The following SLC12A7 variants were observed in gnomAD, a reference collection of about 807,000 sequenced individuals.
SLC12A7 encodes K-Cl cotransporter 4.
Under a neutral mutation model 120.6 loss-of-function variants are expected in SLC12A7, and 100 were observed. That is an observed-to-expected ratio of 0.83 (90% CI 0.71 to 0.98). SLC12A7 has a LOEUF of 0.98. Among genes scored for constraint, SLC12A7 ranks in the 50% least tolerant of loss-of-function variants. The pLI, the probability that SLC12A7 is intolerant of heterozygous loss-of-function variation, is 0.00. For missense variants in SLC12A7, 1,373 were observed against 1,548.1 expected (o/e 0.89, Z 1.90); for synonymous variants, 760 against 678.0 (o/e 1.12, Z -1.88).
the SLC12A7 span, among the ~76,000 whole-genome samples, chr5:1,140,826 C>T: frequency 4.3e-3 from 650 of 152,314 alleles, 1 homozygote; most frequent in Non-Finnish European, 6.4e-3. Flanking sequence ...GTCACTGCAC[C>T]GGCATGACAG....
At position 1,082,067 on chromosome 5, in the gene SLC12A7, CCATCT is replaced by C. The variant is rs1739201728; in HGVS notation, c.1130-328_1130-324del. On this transcript the variant is annotated intron_variant, in intron 8 of 23. Coordinates refer to ENST00000264930, the MANE Select transcript of SLC12A7 (RefSeq NM_006598.3). The stretch of plus-strand genomic sequence containing the variant: ...TCGGGTTCTGGAAAGCCTGGGCTTC[CCATCT>C]TGGGTTCTGGAAAGCCTGGGCTTCC... 4.6e-5 allele frequency among the ~76,000 whole-genome samples: 3 copies of C among 65,028 alleles called. No homozygotes were observed. In the South Asian group the frequency reaches 1.6e-3, roughly 34 times the overall value. 42.7% of individuals were successfully genotyped at this position (65,028 alleles called of 152,430 possible). A position where few individuals can be genotyped will look rare whatever the true frequency, so the allele number is the denominator to read the frequency against.
At chr5:1,075,097 G>A (rs1484179443) in intron 15 of SLC12A7, among the ~76,000 whole-genome samples, 2 of 152,226 alleles carry the variant, frequency 1.3e-5, no homozygotes, top group African/African-American at 4.8e-5. Flanking sequence ...GGAATAGTCA[G>A]CCGTGGGCTC....
chr5:1,111,769 T>C (rs931290679), intron 1 of SLC12A7, 99 bp downstream of exon 1: 44 of 1,129,168 alleles, frequency 3.9e-5, no homozygotes, highest in Non-Finnish European at 4.2e-5. Context: ...GCGCCTCCTG[T>C]ACCCCCGGCC....
At chr5:1,092,103 C>T (rs1443500773) in intron 3 of SLC12A7, among the ~76,000 whole-genome samples, 3 of 152,264 alleles carry the variant, frequency 2.0e-5, no homozygotes, top group African/African-American at 4.8e-5. Flanking sequence ...CCCTCGTCTC[C>T]GGTTACTTCA....
At chr5:1,102,022 C>A (rs1420535904) in intron 1 of SLC12A7, among the ~76,000 whole-genome samples, 1 of 152,248 alleles carries the variant, frequency 6.6e-6, no homozygotes, top group African/African-American at 2.4e-5. Context: ...GTTTTCCAGA[C>A]ACCTTATCAA....
At chr5:1,154,162 C>G in the SLC12A7 span, among the ~76,000 whole-genome samples, 3 of 150,846 alleles carry the variant, frequency 2.0e-5, no homozygotes, top group Admixed American at 2.0e-4. Flanking sequence ...CACCTCATCT[C>G]CACAGGCTTG....
the SLC12A7 span, among the ~76,000 whole-genome samples, chr5:1,130,979 G>T: frequency 6.6e-6 from 1 of 152,134 alleles, no homozygotes; most frequent in Admixed American, 6.5e-5. Context: ...GGCTGCTGGG[G>T]GCCCACCTAG....
At chr5:1,052,537 CTGGTTAGCT>C (rs1211559014) in intron 23 of SLC12A7, 86 bp from the exon 24 acceptor site, 2 of 1,139,716 alleles carry the variant, frequency 1.8e-6, no homozygotes, top group Non-Finnish European at 2.6e-6. Context: ...TTATCCTCTC[CTGGTTAGCT>C]AAGATTTGGT....
In SLC12A7 at chr5:1,087,059, G is replaced by A. The variant is rs548453464; in HGVS notation, c.545-26C>T. The A allele has an allele frequency of 3.3e-5, 53 of 1,600,332 alleles. No homozygotes were observed. In the East Asian group the frequency reaches 7.4e-4, roughly 22 times the overall value. On this transcript the variant is annotated intron_variant, in intron 5 of 23. Coordinates refer to ENST00000264930, the MANE Select transcript of SLC12A7 (RefSeq NM_006598.3). ...CTGCGGAGACAAAGGCGGCAGCCGC[G>A]GGTCAGGGGCGCACTTGGACTCGGA...
In SLC12A7 at chr5:1,081,635, G is replaced by A. The variant is rs773014682; in HGVS notation, c.1239C>T (p.Leu413=). ...ESRASALPYV[L]TDIAASFTLL... is the part of the protein sequence containing the mutation. ...GGGTGAAGGAGGCCGCGATGTCGGT[G>A]AGCACGTAGGGCAGTGCGCTGGCAC... The change falls in exon 9 of 24, where the codon CTC becomes CTT. Residue 413 remains leucine (L), a synonymous_variant. Coordinates refer to ENST00000264930, the MANE Select transcript of SLC12A7 (RefSeq NM_006598.3). 6.2e-7 allele frequency: 1 copy of A among 1,612,482 alleles called. No homozygotes were observed. Among genetic ancestry groups the A allele is most frequent in the Non-Finnish European group, 8.5e-7 (1 of 1,179,360 alleles).
rs1561044402 is a variant in SLC12A7, at chr5:1,065,225, CTGAGAGGACACA to C, written c.2437+46_2437+57del. Reference sequence around the variant, plus strand: ...ACACACAGGGGACAGCGAGGGGACACTGAGAGGACACAGAGGGGACGGTGAGGGGATGCCGAA... The same window carrying C: ...ACACACAGGGGACAGCGAGGGGACACGAGGGGACGGTGAGGGGATGCCGAA... On this transcript the variant is annotated intron_variant, in intron 18 of 23. Coordinates refer to ENST00000264930, the MANE Select transcript of SLC12A7 (RefSeq NM_006598.3). The C allele has an allele frequency of 1.9e-4, 241 of 1,278,112 alleles. No individual in the cohort carries two copies. The African/African-American group carries it at 2.1e-3, about 11-fold the overall frequency. The allele number at this position is 1,278,112 out of a possible 1,614,324, so 79.2% of individuals were successfully genotyped here. A position where few individuals can be genotyped will look rare whatever the true frequency, so the allele number is the denominator to read the frequency against.
chr5:1,134,505 A>T, the SLC12A7 span, among the ~76,000 whole-genome samples: 1 of 152,128 alleles, frequency 6.6e-6, no homozygotes, highest in Non-Finnish European at 1.5e-5. Flanking sequence ...GAAGACGGCT[A>T]CTATCAAAAC....
At chr5:1,075,091 T>C (rs1003247237) in intron 15 of SLC12A7, among the ~76,000 whole-genome samples, 1 of 152,116 alleles carries the variant, frequency 6.6e-6, no homozygotes, top group African/African-American at 2.4e-5. Flanking sequence ...GTAGCAGGAA[T>C]AGTCAGCCGT....
intron 1 of SLC12A7, among the ~76,000 whole-genome samples, chr5:1,097,809 A>G (rs1741420206): frequency 6.6e-6 from 1 of 152,154 alleles, no homozygotes; most frequent in Non-Finnish European, 1.5e-5. Context: ...TCAGAGCATG[A>G]TTACAACCTT....
rs575079844 is a variant in SLC12A7, at chr5:1,101,014, C to A, written c.125-6766G>T. ...GCCCCGCACCCATGGCCAGCTCCCC[C>A]ACAGCTGTGTGCGCTGCCCTCCTGC... On this transcript the variant is annotated intron_variant, in intron 1 of 23. Coordinates refer to ENST00000264930, the MANE Select transcript of SLC12A7 (RefSeq NM_006598.3). 3.3e-5 allele frequency among the ~76,000 whole-genome samples: 5 copies of A among 152,292 alleles called. No individual in the cohort carries two copies. In the South Asian group the frequency reaches 6.2e-4, roughly 19 times the overall value.
the SLC12A7 span, among the ~76,000 whole-genome samples, chr5:1,129,393 C>T: frequency 2.0e-5 from 3 of 152,170 alleles, no homozygotes; most frequent in Admixed American, 6.5e-5. Flanking sequence ...GGCCATGGGC[C>T]ACCAGGAGTG....
intron 3 of SLC12A7, among the ~76,000 whole-genome samples, chr5:1,092,397 AG>A (rs1219908980): frequency 1.3e-5 from 2 of 152,160 alleles, no homozygotes; most frequent in Non-Finnish European, 2.9e-5. Context: ...CACACGCAGC[AG>A]GGGGGCCCAC....
intron 1 of SLC12A7, among the ~76,000 whole-genome samples, chr5:1,100,100 G>A (rs1049276468): frequency 3.9e-5 from 6 of 152,194 alleles, no homozygotes; most frequent in East Asian, 1.9e-4. Flanking sequence ...CACACGCCTC[G>A]GAAGAGAAGA....
At chr5:1,148,722 C>T in the SLC12A7 span, among the ~76,000 whole-genome samples, 55 of 152,278 alleles carry the variant, frequency 3.6e-4, no homozygotes, top group South Asian at 6.6e-3. Context: ...GAAAGGCTGA[C>T]GGTTGACATC....
Sources: allele counts gnomAD v4.1 joint callset (sites outside exome capture counted in the v4.1 genomes callset), GRCh38; gene constraint gnomAD v4.1.1; transcripts MANE v1.5; gene names NCBI Gene and HGNC (gene_info 2026-07-23, HGNC 2026-07-21).